The following ZNF385B variants were observed in gnomAD, a reference collection of about 807,000 sequenced individuals.
ZNF385B encodes zinc finger protein 533.
Under a neutral mutation model 39.2 loss-of-function variants are expected in ZNF385B, and 23 were observed. The ratio of observed to expected loss-of-function variants is 0.59; its 90% CI spans 0.42 to 0.83. ZNF385B has a LOEUF of 0.83. Ranked by LOEUF, ZNF385B falls within the 40% of genes least tolerant of loss-of-function variation. The probability of loss-of-function intolerance (pLI) is 0.00; values close to 1 mark genes in which losing one functional copy is unlikely to be tolerated. For missense variants in ZNF385B, 552 were observed against 598.9 expected, an observed-to-expected ratio of 0.92 and a Z score of 0.82; for synonymous variants, 205 against 222.6, an observed-to-expected ratio of 0.92 and a Z score of 0.70.
At chr2:179,792,721 A>G (rs764672330) in intron 1 of ZNF385B, among the ~76,000 whole-genome samples, 4 of 152,220 alleles carry the variant, frequency 2.6e-5, no homozygotes, top group Non-Finnish European at 4.4e-5. Context: ...AAACGTGAAA[A>G]TAACTTGACA....
chr2:179,620,995 A>C (rs1690161500), intron 3 of ZNF385B, among the ~76,000 whole-genome samples: 1 of 152,130 alleles, frequency 6.6e-6, no homozygotes, highest in African/African-American at 2.4e-5. Flanking sequence ...GGCAAAGGAG[A>C]TAGTTAGTGT....
intron 5 of ZNF385B, among the ~76,000 whole-genome samples, chr2:179,502,535 C>T (rs1005843355): frequency 6.6e-5 from 10 of 152,110 alleles, no homozygotes; most frequent in Non-Finnish European, 1.0e-4. Flanking sequence ...TTTCTCTTTC[C>T]CTCTCCTGCC....
intron 6 of ZNF385B, among the ~76,000 whole-genome samples, chr2:179,481,319 G>A (rs1264375308): frequency 4.0e-5 from 6 of 151,838 alleles, no homozygotes; most frequent in Admixed American, 1.3e-4. Flanking sequence ...ACTATAATCC[G>A]GGCCCCTTTA....
At chr2:179,650,561 T>C (rs1254723528) in intron 3 of ZNF385B, among the ~76,000 whole-genome samples, 5 of 152,186 alleles carry the variant, frequency 3.3e-5, no homozygotes, top group African/African-American at 4.8e-5. Context: ...TTGAGCTTAG[T>C]GCAAAGGCTG....
At chr2:179,820,557 T>G (rs1185758980) in intron 1 of ZNF385B, among the ~76,000 whole-genome samples, 2 of 152,050 alleles carry the variant, frequency 1.3e-5, no homozygotes, top group Non-Finnish European at 2.9e-5. Flanking sequence ...TTTCAGGATT[T>G]TTTTTCCTCC....
At chr2:179,582,491 G>C (rs1042847617) in intron 3 of ZNF385B, among the ~76,000 whole-genome samples, 2 of 152,144 alleles carry the variant, frequency 1.3e-5, no homozygotes, top group African/African-American at 4.8e-5. Context: ...CGATAACTCA[G>C]AAACAGATCA....
chr2:179,493,560 TATATGCGTATAC>T (rs2055556437), intron 5 of ZNF385B, among the ~76,000 whole-genome samples: 1 of 150,370 alleles, frequency 6.7e-6, no homozygotes, highest in Non-Finnish European at 1.5e-5. Flanking sequence ...TACATGCACA[TATATGCGTATAC>T]ATATGTGTAT....
At chr2:179,507,233 C>T (rs1371249245) in intron 5 of ZNF385B, among the ~76,000 whole-genome samples, 1 of 152,172 alleles carries the variant, frequency 6.6e-6, no homozygotes, top group African/African-American at 2.4e-5. Context: ...CTTAAGTGAT[C>T]ATCATTCCAG....
chr2:179,543,070 G>T (rs1412874020), intron 4 of ZNF385B, among the ~76,000 whole-genome samples: 2 of 152,152 alleles, frequency 1.3e-5, no homozygotes, highest in Non-Finnish European at 2.9e-5. Flanking sequence ...CCAGGAGTCT[G>T]AGAACAGCCT....
chr2:179,794,093 A>G (rs1019564432), intron 1 of ZNF385B, among the ~76,000 whole-genome samples: 5 of 152,146 alleles, frequency 3.3e-5, no homozygotes, highest in South Asian at 2.1e-4. Context: ...GTTGCCTCCA[A>G]TGACTGCCTT....
chr2:179,596,136 C>T (rs1175917118), intron 3 of ZNF385B, among the ~76,000 whole-genome samples: 2 of 151,898 alleles, frequency 1.3e-5, no homozygotes, highest in Non-Finnish European at 2.9e-5. Flanking sequence ...GGAACAATAC[C>T]CATTTATTAC....
intron 5 of ZNF385B, among the ~76,000 whole-genome samples, chr2:179,507,822 G>T (rs2057361540): frequency 6.6e-6 from 1 of 152,046 alleles, no homozygotes; most frequent in Admixed American, 6.6e-5. Flanking sequence ...ATTGGCTAAG[G>T]TGATACTTCC....
chr2:179,504,747 A>G (rs1330458406), intron 5 of ZNF385B, among the ~76,000 whole-genome samples: 1 of 152,002 alleles, frequency 6.6e-6, no homozygotes, highest in East Asian at 1.9e-4. Flanking sequence ...AACATGGCAC[A>G]TGTATACATA....
chr2:179,819,537 T>C (rs775241445), intron 1 of ZNF385B, among the ~76,000 whole-genome samples: 2 of 152,188 alleles, frequency 1.3e-5, no homozygotes, highest in Non-Finnish European at 2.9e-5. Flanking sequence ...GAAACTTCAT[T>C]CCTTCTTGGC....
At chr2:179,562,310 A>C (rs2105966679) in intron 3 of ZNF385B, 4 of 873,422 alleles carry the variant, frequency 4.6e-6, no homozygotes, top group Non-Finnish European at 5.5e-6. Context: ...TCTTTTTCTG[A>C]AATTCATTTG....
intron 1 of ZNF385B, among the ~76,000 whole-genome samples, chr2:179,835,726 G>T (rs1708213895): frequency 6.6e-6 from 1 of 151,914 alleles, no homozygotes; most frequent in African/African-American, 2.4e-5. Flanking sequence ...TCTGTGCCCT[G>T]TGCTTGGGAA....
chr2:179,528,376 T>C (rs2059051504), intron 4 of ZNF385B, among the ~76,000 whole-genome samples: 1 of 152,242 alleles, frequency 6.6e-6, no homozygotes, highest in African/African-American at 2.4e-5. Flanking sequence ...GAGACCTTTC[T>C]AACAGGTTTC....
At chr2:179,455,752 C>A (rs557353251) in intron 6 of ZNF385B, among the ~76,000 whole-genome samples, 3 of 151,720 alleles carry the variant, frequency 2.0e-5, no homozygotes, top group Non-Finnish European at 4.4e-5. Context: ...ATTAGCTAGG[C>A]ATGTTGGCGC....
intron 4 of ZNF385B, among the ~76,000 whole-genome samples, chr2:179,525,910 T>A (rs1039767383): frequency 1.5e-4 from 23 of 152,210 alleles, no homozygotes; most frequent in African/African-American, 4.8e-4. Context: ...GTTTTACTTT[T>A]TAAAAATCCT....
Sources: gnomAD v4.1 joint callset for allele counts (sites outside exome capture counted in the v4.1 genomes callset) on GRCh38, gnomAD v4.1.1 for gene constraint, MANE v1.5 for transcripts, NCBI Gene and HGNC (gene_info 2026-07-23, HGNC 2026-07-21) for gene names.